The following DOCK9 variants were observed in gnomAD, a reference collection of about 807,000 sequenced individuals.
The protein encoded by DOCK9 is dedicator of cytokinesis 9.
DOCK9 carries 89 observed loss-of-function variants against 263.3 expected under a neutral mutation model. That is an observed-to-expected ratio of 0.34 (90% confidence interval 0.28 to 0.40). DOCK9 has a LOEUF of 0.40. Among genes scored for constraint, DOCK9 ranks in the 10% least tolerant of loss-of-function variants. The probability of loss-of-function intolerance (pLI) is 1.00; values close to 1 mark genes in which losing one functional copy is unlikely to be tolerated. For missense variants in DOCK9, 2,140 were observed against 2,603.4 expected, an observed-to-expected ratio of 0.82 and a Z score of 3.87; for synonymous variants, 976 against 973.1, an observed-to-expected ratio of 1.00 and a Z score of -0.06.
chr13:98,839,807 T>A (rs911717138), intron 38 of DOCK9, among the ~76,000 whole-genome samples: 2 of 152,250 alleles, frequency 1.3e-5, no homozygotes, highest in African/African-American at 4.8e-5. Context: ...ATTAAGTTAT[T>A]ATATAATTAT....
In DOCK9 at chr13:98,794,142, T is replaced by C. The variant is rs2089039511; in HGVS notation, c.*484A>G. On this transcript the variant is annotated 3_prime_UTR_variant, in exon 53 of 53. Coordinates refer to ENST00000682017, the MANE Select transcript of DOCK9 (RefSeq NM_001366683.2). ...ACAAAAATTACAATGGTCAGTTCCCTTAGGTCATCAAAAACTAGTCACAAA... is the reference window on the plus strand; with the variant it reads ...ACAAAAATTACAATGGTCAGTTCCCCTAGGTCATCAAAAACTAGTCACAAA... The C allele has an allele frequency of 6.5e-6, 1 of 153,400 alleles. No homozygotes were observed. Among genetic ancestry groups the C allele is most frequent in the Non-Finnish European group, 1.5e-5 (1 of 68,592 alleles). 9.5% of individuals were successfully genotyped at this position (153,400 alleles called of 1,614,324 possible).
chr13:99,001,803 C>A (rs1882389386), intron 1 of DOCK9, among the ~76,000 whole-genome samples: 1 of 152,220 alleles, frequency 6.6e-6, no homozygotes, highest in Non-Finnish European at 1.5e-5. Context: ...TGCAGGGGCT[C>A]CCCCTATGGT....
At chr13:99,080,445 C>G (rs1027360963) in intron 1 of DOCK9, among the ~76,000 whole-genome samples, 1 of 151,848 alleles carries the variant, frequency 6.6e-6, no homozygotes. Context: ...TTCAAAAAGA[C>G]AAAGGAAAAA....
chr13:98,851,418 C>T (rs1248079886), intron 35 of DOCK9, among the ~76,000 whole-genome samples: 6 of 152,152 alleles, frequency 3.9e-5, no homozygotes, highest in Non-Finnish European at 5.9e-5. Context: ...GGTGAGCCCC[C>T]GGGGAGCTCA....
intron 1 of DOCK9, among the ~76,000 whole-genome samples, chr13:99,037,508 G>T (rs755361608): frequency 6.6e-6 from 1 of 152,092 alleles, no homozygotes; most frequent in Non-Finnish European, 1.5e-5. Flanking sequence ...ATACTCTGCC[G>T]GTGGAAATAT....
chr13:98,872,167 C>T (rs2094204258), intron 27 of DOCK9, among the ~76,000 whole-genome samples: 1 of 152,178 alleles, frequency 6.6e-6, no homozygotes, highest in Admixed American at 6.5e-5. Context: ...TGTTCTTCCA[C>T]TCTCTGGTGT....
intron 1 of DOCK9, among the ~76,000 whole-genome samples, chr13:99,010,791 C>T (rs1271358968): frequency 6.6e-6 from 1 of 152,196 alleles, no homozygotes; most frequent in Non-Finnish European, 1.5e-5. Context: ...GCCTGAACAG[C>T]CCTAGCCTTA....
intron 1 of DOCK9, among the ~76,000 whole-genome samples, chr13:99,047,375 G>A (rs932452442): frequency 6.6e-6 from 1 of 152,160 alleles, no homozygotes; most frequent in Non-Finnish European, 1.5e-5. Context: ...GGGTCCCCAG[G>A]TTAGAATAAG....
chr13:99,043,295 A>T (rs1161395738), intron 1 of DOCK9, among the ~76,000 whole-genome samples: 1 of 152,240 alleles, frequency 6.6e-6, no homozygotes. Context: ...TCCTTGCCTC[A>T]GAAATCAAAC....
At position 98,794,382 on chromosome 13, in the gene DOCK9, T is replaced by C; in HGVS notation, c.*244A>G. The C allele has an allele frequency of 9.4e-6, 5 of 534,578 alleles. No homozygotes were observed. In the South Asian group the frequency reaches 1.1e-4, roughly 12 times the overall value. 33.1% of individuals were successfully genotyped at this position (534,578 alleles called of 1,614,324 possible). The stretch of plus-strand genomic sequence containing the variant: ...AATCTAAGTCCAGCTCAAGAGTGTC[T>C]ACCACACCTTTGTTAAGACACAATG... On this transcript the variant is annotated 3_prime_UTR_variant, in exon 53 of 53. Coordinates refer to ENST00000682017, the MANE Select transcript of DOCK9 (RefSeq NM_001366683.2).
chr13:99,030,172 T>C (rs1164913493), intron 1 of DOCK9, among the ~76,000 whole-genome samples: 1 of 152,214 alleles, frequency 6.6e-6, no homozygotes, highest in Non-Finnish European at 1.5e-5. Context: ...TGTTCTGAAA[T>C]TAGATAATGG....
At chr13:99,085,492 C>T (rs1392227937) in intron 1 of DOCK9, among the ~76,000 whole-genome samples, 1 of 152,206 alleles carries the variant, frequency 6.6e-6, no homozygotes, top group African/African-American at 2.4e-5. Context: ...CTTCATCTTC[C>T]TCACACCCAG....
At chr13:98,841,335 G>A (rs190526801) in intron 38 of DOCK9, among the ~76,000 whole-genome samples, 1 of 152,194 alleles carries the variant, frequency 6.6e-6, no homozygotes, top group Non-Finnish European at 1.5e-5. Flanking sequence ...TGAAGTAAAG[G>A]CCCCAAGTGA....
intron 1 of DOCK9, among the ~76,000 whole-genome samples, chr13:99,083,478 G>A (rs946274133): frequency 8.5e-5 from 13 of 152,102 alleles, no homozygotes; most frequent in African/African-American, 3.1e-4. Context: ...TTATATAGAG[G>A]TGAAATGATA....
At chr13:98,868,036 G>T in intron 28 of DOCK9, 25 bp from the exon 29 acceptor site, 2 of 1,605,062 alleles carry the variant, frequency 1.2e-6, no homozygotes, top group Non-Finnish European at 8.5e-7. Context: ...AAGCAAAAAA[G>T]TTATTTCAGG....
chr13:98,861,754 T>C (rs2093877711), intron 32 of DOCK9, among the ~76,000 whole-genome samples: 1 of 152,208 alleles, frequency 6.6e-6, no homozygotes, highest in African/African-American at 2.4e-5. Flanking sequence ...TCAAAAACTT[T>C]TGAGATAATT....
Position 98,879,942 on chromosome 13 carries a change from T to A in DOCK9, c.2899A>T (p.Ile967Phe). 1 of 1,609,246 alleles carries A rather than the reference T, an allele frequency of 6.2e-7. No individual in the cohort carries two copies. Among genetic ancestry groups the A allele is most frequent in the Non-Finnish European group, 8.5e-7 (1 of 1,178,872 alleles). Residue 967 changes from isoleucine (I) to phenylalanine (F), a missense_variant, in exon 27 of 53, where the codon ATC (isoleucine) becomes TTC (phenylalanine). Transcript: ENST00000682017. ...ATCAAATGCTGAGCCATAGATTTGATCAGTACATCAAAGAAAAACCATGAG... is the reference window on the plus strand; with the variant it reads ...ATCAAATGCTGAGCCATAGATTTGAACAGTACATCAAAGAAAAACCATGAG... ...KYSWFFFDVL[I>F]KSMAQHLIEN...
intron 2 of DOCK9, among the ~76,000 whole-genome samples, chr13:98,945,604 C>T (rs2056601190): frequency 6.6e-6 from 1 of 152,228 alleles, no homozygotes; most frequent in African/African-American, 2.4e-5. Context: ...CATCCTGCCA[C>T]CATCACAGCC....
intron 1 of DOCK9, among the ~76,000 whole-genome samples, chr13:98,970,917 G>A (rs531422679): frequency 4.6e-4 from 70 of 152,106 alleles, no homozygotes; most frequent in African/African-American, 1.6e-3. Flanking sequence ...CCATTCCCTT[G>A]GTCTTACTTC....
Sources: gnomAD v4.1 joint callset for allele counts (sites outside exome capture counted in the v4.1 genomes callset) on GRCh38, gnomAD v4.1.1 for gene constraint, MANE v1.5 for transcripts, NCBI Gene and HGNC (gene_info 2026-07-23, HGNC 2026-07-21) for gene names.